BTG4: variants seen among roughly 807,000 people sequenced by gnomAD.
BTG4 encodes the protein protein BTG4.
Under a neutral mutation model 19.3 loss-of-function variants are expected in BTG4, and 10 were observed. The observed-to-expected ratio is 0.52, with a 90% CI of 0.32 to 0.88. The LOEUF (loss-of-function observed/expected upper bound fraction) is 0.88, where lower values mean the gene tolerates loss of function less well. Among genes scored for constraint, BTG4 ranks in the 40% least tolerant of loss-of-function variants. The probability of loss-of-function intolerance (pLI) is 0.04; values close to 1 mark genes in which losing one functional copy is unlikely to be tolerated. For synonymous variants in BTG4, 91 were observed against 95.7 expected (o/e 0.95, Z 0.29); for missense variants, 238 against 281.9 (o/e 0.84, Z 1.11).
chr11:111,495,012 A>T lies in BTG4; in HGVS notation c.*123T>A. The T allele has an allele frequency of 7.5e-7, 1 of 1,330,478 alleles. No individual in the cohort carries two copies. The highest frequency in any genetic ancestry group is 9.6e-7 in the Non-Finnish European group (1 of 1,044,566). The allele number at this position is 1,330,478 out of a possible 1,614,324, so 82.4% of individuals were successfully genotyped here. A position where few individuals can be genotyped will look rare whatever the true frequency, so the allele number is the denominator to read the frequency against. ...TGTATGAGAGGATTTACCATTGTGT[A>T]CCCTAGTCCCTAATATGGTCATTTT... On this transcript the variant is annotated 3_prime_UTR_variant, in exon 5 of 5. Coordinates refer to ENST00000692032, the MANE Select transcript of BTG4 (RefSeq NM_001367975.1).
chr11:111,505,103 A>G (rs1288127128), intron 1 of BTG4, among the ~76,000 whole-genome samples: 1 of 152,080 alleles, frequency 6.6e-6, no homozygotes, highest in Admixed American at 6.6e-5. Flanking sequence ...TTTTCACAGA[A>G]TTAGGAAAAA....
At chr11:111,434,665 A>G in the BTG4 span, among the ~76,000 whole-genome samples, 3 of 151,792 alleles carry the variant, frequency 2.0e-5, no homozygotes, top group Non-Finnish European at 4.4e-5. Flanking sequence ...ATGTAAATAT[A>G]CCCATCTATG....
chr11:111,468,131 G>C (rs147591748), intron 5 of BTG4, among the ~76,000 whole-genome samples: 1 of 152,268 alleles, frequency 6.6e-6, no homozygotes, highest in Admixed American at 6.5e-5. Flanking sequence ...GATACTGGAG[G>C]GTTAGAAAAA....
intron 5 of BTG4, among the ~76,000 whole-genome samples, chr11:111,485,577 C>A (rs1483840002): frequency 6.6e-6 from 1 of 151,864 alleles, no homozygotes; most frequent in Non-Finnish European, 1.5e-5. Context: ...ATTCCAAAAC[C>A]AATGGAATAC....
the BTG4 span, among the ~76,000 whole-genome samples, chr11:111,394,554 T>G: frequency 1.3e-5 from 2 of 152,198 alleles, no homozygotes; most frequent in Non-Finnish European, 2.9e-5. Context: ...GTGAGTCCAT[T>G]AAACCTCTTT....
At chr11:111,392,541 G>A in the BTG4 span, among the ~76,000 whole-genome samples, 7 of 152,240 alleles carry the variant, frequency 4.6e-5, no homozygotes, top group African/African-American at 1.7e-4. Flanking sequence ...GATTTGGTAG[G>A]TCCAGGACAG....
At chr11:111,484,348 C>T (rs1027778443) in intron 5 of BTG4, among the ~76,000 whole-genome samples, 2 of 152,128 alleles carry the variant, frequency 1.3e-5, no homozygotes, top group African/African-American at 2.4e-5. Context: ...AGTATAGTTG[C>T]ACTAACAGTG....
At chr11:111,476,570 G>T (rs192613592) in intron 5 of BTG4, among the ~76,000 whole-genome samples, 19 of 152,174 alleles carry the variant, frequency 1.2e-4, no homozygotes, top group Non-Finnish European at 2.9e-5. Flanking sequence ...GTTAGAATTG[G>T]CTACTTAGTC....
chr11:111,429,353 G>A, the BTG4 span, among the ~76,000 whole-genome samples: 40 of 152,230 alleles, frequency 2.6e-4, no homozygotes, highest in Admixed American at 6.5e-4. Flanking sequence ...TAACTGGCAC[G>A]TTACTCAAAT....
At chr11:111,443,018 G>C in the BTG4 span, among the ~76,000 whole-genome samples, 1 of 152,160 alleles carries the variant, frequency 6.6e-6, no homozygotes, top group South Asian at 2.1e-4. Flanking sequence ...CCTGGCCAAC[G>C]CTACCTCAGC....
At chr11:111,440,903 G>C in the BTG4 span, among the ~76,000 whole-genome samples, 44 of 152,142 alleles carry the variant, frequency 2.9e-4, no homozygotes, top group Non-Finnish European at 5.7e-4. Context: ...AGTGAGGAGG[G>C]GATAGGTGAC....
At chr11:111,415,111 T>C in the BTG4 span, 1 of 152,092 alleles carries the variant, frequency 6.6e-6, no homozygotes, top group Non-Finnish European at 1.5e-5. Flanking sequence ...ATGAACTAAC[T>C]CCTCTGGGAC....
At chr11:111,433,912 G>A in the BTG4 span, among the ~76,000 whole-genome samples, 1 of 152,210 alleles carries the variant, frequency 6.6e-6, no homozygotes, top group Non-Finnish European at 1.5e-5. Context: ...AGATGCTGGA[G>A]AGGATGTGGA....
chr11:111,463,457 C>T (rs2135499018), downstream of BTG4: 1 of 152,782 alleles, frequency 6.5e-6, no homozygotes, highest in South Asian at 2.1e-4. Context: ...CTAGTAGGAG[C>T]TCCAGGGCTG....
At chr11:111,507,104 A>G (rs1244095953) in intron 1 of BTG4, among the ~76,000 whole-genome samples, 1 of 151,538 alleles carries the variant, frequency 6.6e-6, no homozygotes, top group African/African-American at 2.4e-5. Context: ...CCAAATGAGG[A>G]CTGTGGAAAT....
At chr11:111,437,265 T>C in the BTG4 span, among the ~76,000 whole-genome samples, 1 of 152,154 alleles carries the variant, frequency 6.6e-6, no homozygotes, top group East Asian at 1.9e-4. Flanking sequence ...AGAAGCTTCC[T>C]GCAAAACGGG....
chr11:111,472,810 T>C (rs1864152785), intron 5 of BTG4, among the ~76,000 whole-genome samples: 1 of 152,230 alleles, frequency 6.6e-6, no homozygotes, highest in Non-Finnish European at 1.5e-5. Flanking sequence ...GTAGGCCATG[T>C]GCCAGGCTCA....
intron 1 of BTG4, among the ~76,000 whole-genome samples, chr11:111,499,781 C>T (rs1006015677): frequency 3.3e-5 from 5 of 152,138 alleles, no homozygotes; most frequent in Non-Finnish European, 7.3e-5. Context: ...GTTTATCTAA[C>T]CTCACCAGTT....
intron 5 of BTG4, among the ~76,000 whole-genome samples, chr11:111,479,053 C>A (rs1056500427): frequency 1.3e-5 from 2 of 152,036 alleles, no homozygotes; most frequent in Admixed American, 6.6e-5. Flanking sequence ...AAGAACTCCA[C>A]ACCACCACAT....
Sources: gnomAD v4.1 joint callset for allele counts (sites outside exome capture counted in the v4.1 genomes callset) on GRCh38, gnomAD v4.1.1 for gene constraint, MANE v1.5 for transcripts, NCBI Gene and HGNC (gene_info 2026-07-23, HGNC 2026-07-21) for gene names.